ANKDD1A: variants seen among roughly 807,000 people sequenced by gnomAD.
The protein encoded by ANKDD1A is ankyrin repeat and death domain containing 1A.
Under a neutral mutation model 63.5 loss-of-function variants are expected in ANKDD1A, and 59 were observed. That is an observed-to-expected ratio of 0.93 (90% CI 0.75 to 1.15). The LOEUF (loss-of-function observed/expected upper bound fraction) is 1.15. ANKDD1A is among the 50% of genes most tolerant of loss of function. The pLI is 0.00. For missense variants in ANKDD1A, 632 were observed against 656.4 expected (o/e 0.96, Z 0.41); for synonymous variants, 266 against 263.9 (o/e 1.01, Z -0.08).
rs756014764 is a variant in ANKDD1A at position 64,950,950 on chromosome 15, A to C, written c.1483+978A>C. ...AGAGGAAGTAAGATTCTTGTTTTTAACAGAAAATATCAGGAAGAAAGCAAA... is the reference window on the plus strand; with the variant it reads ...AGAGGAAGTAAGATTCTTGTTTTTACCAGAAAATATCAGGAAGAAAGCAAA... On this transcript the variant is annotated intron_variant, in intron 14 of 14. Transcript: ENST00000319580. The C allele has an allele frequency of 3.9e-6, 5 of 1,271,112 alleles. 1 individual carries two copies. In the South Asian group the frequency reaches 6.4e-5, roughly 16 times the overall value. The allele number at this position is 1,271,112 out of a possible 1,614,324, so 78.7% of individuals were successfully genotyped here. A position where few individuals can be genotyped will look rare whatever the true frequency, so the allele number is the denominator to read the frequency against.
intron 14 of ANKDD1A, among the ~76,000 whole-genome samples, chr15:64,954,744 C>T (rs1198676642): frequency 1.6e-5 from 2 of 127,592 alleles, no homozygotes; most frequent in East Asian, 2.1e-4. Context: ...CTTCCTTCTC[C>T]TTCTTCTTTC....
intron 14 of ANKDD1A, among the ~76,000 whole-genome samples, chr15:64,956,100 GA>G (rs1006126695): frequency 6.6e-6 from 1 of 151,928 alleles, no homozygotes; most frequent in Non-Finnish European, 1.5e-5. Context: ...AAATTAAGTG[GA>G]AAAAAACCCC....
chr15:64,924,297 G>C (rs938558990), intron 4 of ANKDD1A, among the ~76,000 whole-genome samples: 4 of 152,250 alleles, frequency 2.6e-5, no homozygotes, highest in Admixed American at 1.3e-4. Context: ...AGCAGAATTG[G>C]CAAGGGCTCT....
At position 64,947,546 on chromosome 15, in the gene ANKDD1A, G is replaced by A. The variant is rs2085233626; in HGVS notation, c.1304G>A (p.Trp435Ter). 5.6e-6 allele frequency: 9 copies of A among 1,614,134 alleles called. No individual in the cohort carries two copies. The highest frequency in any genetic ancestry group is 1.3e-5 in the African/African-American group (1 of 75,040). Residue 435 changes from tryptophan to a stop codon, truncating the protein, a stop_gained, in exon 13 of 15, where the codon TGG becomes TAG. Coordinates refer to ENST00000319580, the MANE Select transcript of ANKDD1A (RefSeq NM_182703.6). LOFTEE classifies it high-confidence loss of function. The stretch of plus-strand genomic sequence containing the variant: ...GAGTGGAAGAAGCTGGCATATTCCT[G>A]GGAGTTCACGGAGGCACATGTCGAC... ...PREWKKLAYS[W>*]EFTEAHVDAI... is the part of the protein sequence containing the mutation.
intron 13 of ANKDD1A, among the ~76,000 whole-genome samples, chr15:64,949,522 GAA>G (rs2085251986): frequency 6.6e-6 from 1 of 152,210 alleles, no homozygotes; most frequent in Non-Finnish European, 1.5e-5. Context: ...CCACAACGAT[GAA>G]AGTCAATTCT....
chr15:64,921,638 G>C (rs570301995), intron 3 of ANKDD1A, among the ~76,000 whole-genome samples: 3 of 152,202 alleles, frequency 2.0e-5, no homozygotes, highest in South Asian at 2.1e-4. Flanking sequence ...GCCTCCCAAA[G>C]TGCTGGGATT....
At chr15:64,933,045 C>G (rs1178453619) in intron 8 of ANKDD1A, among the ~76,000 whole-genome samples, 1 of 151,940 alleles carries the variant, frequency 6.6e-6, no homozygotes, top group Non-Finnish European at 1.5e-5. Context: ...TTTGCTCCAA[C>G]CTCAGCTTGT....
At position 64,911,988 on chromosome 15, in the gene ANKDD1A, G is replaced by C. The variant is rs966703361; in HGVS notation, c.34+24G>C. On this transcript the variant is annotated intron_variant, in intron 1 of 14. Transcript: ENST00000319580. ...CCGTGAGTCTGCCTGGAGGAGGGAG[G>C]GGGGCGGGCCGAGGCCGAGAGGACC... 3.7e-5 allele frequency: 15 copies of C among 408,368 alleles called. No homozygotes were observed. In the Admixed American group the frequency reaches 3.9e-4, roughly 11 times the overall value. The allele number at this position is 408,368 out of a possible 1,614,324, so 25.3% of individuals were successfully genotyped here.
At chr15:64,951,511 TCTTC>T (rs2085276076) in intron 14 of ANKDD1A, 1 of 147,780 alleles carries the variant, frequency 6.8e-6, no homozygotes, top group Non-Finnish European at 1.5e-5. Context: ...TCCTCTTCCT[TCTTC>T]CTGTTTTCTT....
intron 14 of ANKDD1A, among the ~76,000 whole-genome samples, chr15:64,954,469 CTT>C (rs759970117): frequency 1.4e-5 from 1 of 69,980 alleles, no homozygotes; most frequent in Admixed American, 1.3e-4. Flanking sequence ...TCTTCTCCTT[CTT>C]CCTCTTTTTC....
Position 64,926,933 on chromosome 15 carries a change from G to A in ANKDD1A, c.504G>A (p.Glu168=). Residue 168 remains glutamate, a synonymous_variant, in exon 6 of 15, where the codon GAG becomes GAA. Transcript: ENST00000319580. ...GGACGGCGTTTCACAGGGCAGCTGA[G>A]CACGGGCAGCTGGATGCTCTGGACT... The part of the protein sequence containing the change: ...LGRTAFHRAA[E]HGQLDALDFL... 3 of 1,614,196 alleles carry A rather than the reference G, an allele frequency of 1.9e-6. No homozygotes were observed. The highest frequency in any genetic ancestry group is 1.7e-6 in the Non-Finnish European group (2 of 1,180,048).
At chr15:64,945,575 G>A (rs1179140523) in intron 12 of ANKDD1A, among the ~76,000 whole-genome samples, 2 of 129,776 alleles carry the variant, frequency 1.5e-5, no homozygotes, top group African/African-American at 5.9e-5. Context: ...TATTGATGGT[G>A]TGTAGGTTAG....
chr15:64,938,780 C>T (rs1472766766), intron 9 of ANKDD1A, among the ~76,000 whole-genome samples: 1 of 151,476 alleles, frequency 6.6e-6, no homozygotes, highest in Non-Finnish European at 1.5e-5. Flanking sequence ...GGTGAAACCC[C>T]ATCTTAACTC....
At chr15:64,911,993 CGG>C in intron 1 of ANKDD1A, 29 bp downstream of exon 1, 4 of 1,231,340 alleles carry the variant, frequency 3.2e-6, no homozygotes, top group Non-Finnish European at 4.1e-6. Flanking sequence ...GGGAGGGGGG[CGG>C]GCCGAGGCCG....
Position 64,931,582 on chromosome 15 carries a change from C to G in ANKDD1A, c.765C>G (p.Thr255=), listed in dbSNP as rs2140372259. 1.2e-6 allele frequency: 2 copies of G among 1,613,808 alleles called. No homozygotes were observed. Among genetic ancestry groups the G allele is most frequent in the Non-Finnish European group, 8.5e-7 (1 of 1,179,998 alleles). ...CTGGGAGCACCGTGAATGCCCTCAC[C>G]CAGGTAGCCAGGCCCTCCCAAGACT... ...LRAGSTVNAL[T]QKNLSCLHYA... The change falls in exon 8 of 15, where the codon ACC becomes ACG. Residue 255 remains threonine (T), a synonymous_variant. Coordinates refer to ENST00000319580, the MANE Select transcript of ANKDD1A (RefSeq NM_182703.6).
chr15:64,921,973 T>G lies in ANKDD1A; in HGVS notation c.320T>G (p.Leu107Arg). The change falls in exon 4 of 15, where the codon CTC (leucine) becomes CGC (arginine). Residue 107 changes from leucine (L) to arginine (R), a missense_variant. Leu to Arg is a moderately radical substitution (Grantham distance 102, BLOSUM62 -2). Coordinates refer to ENST00000319580, the MANE Select transcript of ANKDD1A (RefSeq NM_182703.6). Reference protein sequence around the residue: ...LSAWFGHLRILQILVNSGAKI... With the variant: ...LSAWFGHLRIRQILVNSGAKI... Reference sequence around the variant, plus strand: ...GCCTGGTTCGGCCACTTACGAATCCTCCAGATCTTGGTAAACTCAGGGGCC... The same window carrying G: ...GCCTGGTTCGGCCACTTACGAATCCGCCAGATCTTGGTAAACTCAGGGGCC... 1 of 1,614,208 alleles carries G rather than the reference T, an allele frequency of 6.2e-7. No homozygotes were observed.
chr15:64,945,911 T>C lies in ANKDD1A; in HGVS notation c.1161+1164T>C, dbSNP rs184942266. Among the ~76,000 whole-genome samples, 15 of 151,998 alleles carry C rather than the reference T, an allele frequency of 9.9e-5. No homozygotes were observed. The East Asian group carries it at 1.9e-3, about 20-fold the overall frequency. On this transcript the variant is annotated intron_variant, in intron 12 of 14. Coordinates refer to ENST00000319580, the MANE Select transcript of ANKDD1A (RefSeq NM_182703.6). ...CCTCCCAAAGTGCTGGGATTACAGGTGTGAGCCACCATGCCTGGCCGAATT... is the reference window on the plus strand; with the variant it reads ...CCTCCCAAAGTGCTGGGATTACAGGCGTGAGCCACCATGCCTGGCCGAATT...
intron 14 of ANKDD1A, among the ~76,000 whole-genome samples, chr15:64,952,165 TTTTC>T (rs542562793): frequency 6.2e-4 from 93 of 151,184 alleles, no homozygotes; most frequent in Non-Finnish European, 1.1e-3. Flanking sequence ...TTCTTCATCT[TTTTC>T]TTTCTTCTTT....
intron 14 of ANKDD1A, among the ~76,000 whole-genome samples, chr15:64,952,927 GTTCTTCTTCCTC>G (rs1566917147): frequency 3.2e-5 from 3 of 92,524 alleles, no homozygotes; most frequent in Non-Finnish European, 7.4e-5. Flanking sequence ...CTTCTTCTTA[GTTCTTCTTCCTC>G]TTCTTCCTTC....
Sources: gnomAD v4.1 joint callset for allele counts (sites outside exome capture counted in the v4.1 genomes callset) on GRCh38, gnomAD v4.1.1 for gene constraint, MANE v1.5 for transcripts, NCBI Gene and HGNC (gene_info 2026-07-23, HGNC 2026-07-21) for gene names.